The following DPP10 variants were observed in gnomAD, a reference collection of about 807,000 sequenced individuals.
DPP10 encodes dipeptidyl peptidase like 10.
DPP10 carries 33 observed loss-of-function variants against 120.9 expected under a neutral mutation model. The ratio of observed to expected loss-of-function variants is 0.27; its 90% CI spans 0.21 to 0.37. DPP10 has a LOEUF of 0.37. Ranked by LOEUF, DPP10 falls within the 10% of genes least tolerant of loss-of-function variation. The pLI is 1.00. For missense variants in DPP10, 816 were observed against 942.8 expected (o/e 0.87, Z 1.76); for synonymous variants, 337 against 326.1 (o/e 1.03, Z -0.36).
chr2:115,490,042 C>T (rs1405735277), intron 3 of DPP10, among the ~76,000 whole-genome samples: 1 of 152,132 alleles, frequency 6.6e-6, no homozygotes, highest in African/African-American at 2.4e-5. Context: ...AAATCTTTGA[C>T]CCCACTGATG....
intron 25 of DPP10, among the ~76,000 whole-genome samples, chr2:115,841,584 G>A (rs1690151233): frequency 6.6e-6 from 1 of 152,138 alleles, no homozygotes; most frequent in South Asian, 2.1e-4. Context: ...CAAATGTCAG[G>A]TCATTCCATA....
chr2:115,232,578 T>C (rs1027177671), intron 1 of DPP10, among the ~76,000 whole-genome samples: 2 of 152,234 alleles, frequency 1.3e-5, no homozygotes, highest in Non-Finnish European at 2.9e-5. Context: ...TGAACATGTA[T>C]AGAGTTGTCA....
intron 1 of DPP10, among the ~76,000 whole-genome samples, chr2:114,701,338 G>C (rs910156438): frequency 6.6e-6 from 1 of 152,042 alleles, no homozygotes; most frequent in African/African-American, 2.4e-5. Context: ...AGGATTTGCA[G>C]AGAGTATGTA....
At chr2:114,461,272 C>T (rs781035339) in intron 1 of DPP10, among the ~76,000 whole-genome samples, 5 of 152,204 alleles carry the variant, frequency 3.3e-5, no homozygotes, top group Admixed American at 2.0e-4. Flanking sequence ...CCCATTGGCA[C>T]AGCCCCCAGT....
chr2:115,120,137 A>T (rs759425017), intron 1 of DPP10, among the ~76,000 whole-genome samples: 2 of 152,232 alleles, frequency 1.3e-5, no homozygotes, highest in Non-Finnish European at 2.9e-5. Flanking sequence ...TAGTTGTTAA[A>T]GTTTTATCCA....
intron 1 of DPP10, among the ~76,000 whole-genome samples, chr2:114,974,101 A>T (rs1699584722): frequency 6.6e-6 from 1 of 152,310 alleles, no homozygotes; most frequent in Non-Finnish European, 1.5e-5. Context: ...CGAAATTTTT[A>T]AAAATGAATT....
chr2:114,816,146 C>T (rs927757480), intron 1 of DPP10, among the ~76,000 whole-genome samples: 5 of 152,182 alleles, frequency 3.3e-5, no homozygotes, highest in African/African-American at 7.2e-5. Flanking sequence ...TGACACTGTG[C>T]GCCAGTCACG....
chr2:114,713,311 G>T lies in DPP10; in HGVS notation c.60+270473G>T, dbSNP rs141221385. ...CCTAATTTTGTAATAAAATTCTGAC[G>T]CAGTCTTTCAGTCTTTTATTATTTC... On this transcript the variant is annotated intron_variant, in intron 1 of 25. Transcript: ENST00000410059. Among the ~76,000 whole-genome samples the T allele has an allele frequency of 5.8e-3, 878 of 152,102 alleles. 2 individuals are homozygous for T. The highest frequency in any genetic ancestry group is 0.01 in the Middle Eastern group (3 of 294).
At chr2:115,209,203 TC>T (rs2056351410) in intron 1 of DPP10, among the ~76,000 whole-genome samples, 1 of 152,146 alleles carries the variant, frequency 6.6e-6, no homozygotes, top group Non-Finnish European at 1.5e-5. Flanking sequence ...ATTCTCAGTT[TC>T]AGGAAGATAT....
At chr2:115,061,395 G>A (rs969526400) in intron 1 of DPP10, among the ~76,000 whole-genome samples, 1 of 152,076 alleles carries the variant, frequency 6.6e-6, no homozygotes, top group Admixed American at 6.6e-5. Context: ...TATTCTTTGT[G>A]ATGGAAAAGG....
At chr2:114,499,043 A>G (rs540329474) in intron 1 of DPP10, among the ~76,000 whole-genome samples, 1 of 152,380 alleles carries the variant, frequency 6.6e-6, no homozygotes, top group East Asian at 1.9e-4. Flanking sequence ...GAGATAAGCC[A>G]GGAACAGAAA....
At chr2:114,527,154 G>A (rs1440227041) in intron 1 of DPP10, among the ~76,000 whole-genome samples, 2 of 152,162 alleles carry the variant, frequency 1.3e-5, no homozygotes, top group Non-Finnish European at 2.9e-5. Flanking sequence ...TTATGGTTGT[G>A]AGATCAATCT....
chr2:114,947,731 A>G (rs948615262), intron 1 of DPP10, among the ~76,000 whole-genome samples: 1 of 152,112 alleles, frequency 6.6e-6, no homozygotes, highest in African/African-American at 2.4e-5. Flanking sequence ...AGTTAACTCT[A>G]AAAACATACT....
At chr2:114,596,290 C>G (rs1691901420) in intron 1 of DPP10, among the ~76,000 whole-genome samples, 1 of 149,388 alleles carries the variant, frequency 6.7e-6, no homozygotes, top group East Asian at 2.0e-4. Flanking sequence ...CTCCTACAAG[C>G]TGTTCCATAG....
chr2:115,412,720 C>T (rs914069720), intron 3 of DPP10, among the ~76,000 whole-genome samples: 2 of 152,262 alleles, frequency 1.3e-5, no homozygotes, highest in Middle Eastern at 3.4e-3. Flanking sequence ...TCCTTGTTTA[C>T]TTAATGTGGT....
intron 7 of DPP10, among the ~76,000 whole-genome samples, chr2:115,703,781 C>T (rs2091987798): frequency 6.6e-6 from 1 of 151,978 alleles, no homozygotes; most frequent in Admixed American, 6.6e-5. Flanking sequence ...ATGGCCTAAC[C>T]AAGTTAACAC....
At chr2:114,637,274 G>A (rs1053976116) in intron 1 of DPP10, among the ~76,000 whole-genome samples, 7 of 151,782 alleles carry the variant, frequency 4.6e-5, no homozygotes, top group African/African-American at 1.7e-4. Context: ...GGATGAAAAG[G>A]GATTTTCATT....
chr2:114,593,185 G>A (rs1691606952), intron 1 of DPP10, among the ~76,000 whole-genome samples: 1 of 152,162 alleles, frequency 6.6e-6, no homozygotes, highest in Non-Finnish European at 1.5e-5. Context: ...AAGGACGAAA[G>A]TTTAGGAACA....
chr2:115,153,943 A>C (rs1294302965), intron 1 of DPP10, among the ~76,000 whole-genome samples: 1 of 152,172 alleles, frequency 6.6e-6, no homozygotes, highest in East Asian at 1.9e-4. Context: ...CCCATCTATC[A>C]GCAATTCCCC....
Sources: gnomAD v4.1 joint callset for allele counts (sites outside exome capture counted in the v4.1 genomes callset) on GRCh38, gnomAD v4.1.1 for gene constraint, MANE v1.5 for transcripts, NCBI Gene and HGNC (gene_info 2026-07-23, HGNC 2026-07-21) for gene names.